Variants in FGF13 observed in about 807,000 individuals in gnomAD.
FGF13 encodes fibroblast growth factor homologous factor 2.
In FGF13, 2 loss-of-function variants were observed where a neutral mutation model predicts 19.5. That is an observed-to-expected ratio of 0.10 (90% CI 0.04 to 0.32). The LOEUF (loss-of-function observed/expected upper bound fraction) is 0.32. Ranked by LOEUF, FGF13 falls within the 10% of genes least tolerant of loss-of-function variation. The probability of loss-of-function intolerance (pLI) is 1.00; values close to 1 mark genes in which losing one functional copy is unlikely to be tolerated. For missense variants in FGF13, 113 were observed against 192.7 expected (o/e 0.59, Z 2.45); for synonymous variants, 72 against 76.9 (o/e 0.94, Z 0.33).
chrX:138,914,304 C>A (rs1174323781), intron 1 of FGF13, among the ~76,000 whole-genome samples: 1 of 108,564 alleles, frequency 9.2e-6, no homozygotes, highest in Non-Finnish European at 1.9e-5. Flanking sequence ...AATACCATTA[C>A]AATCCTTCTG....
intron 3 of FGF13, among the ~76,000 whole-genome samples, chrX:138,692,942 T>C (rs185414942): frequency 2.6e-4 from 29 of 111,359 alleles, no homozygotes; most frequent in Admixed American, 1.1e-3. Flanking sequence ...AAAAACAGAA[T>C]ACAGAGCCAG....
intron 1 of FGF13, among the ~76,000 whole-genome samples, chrX:139,015,598 T>A (rs771546253): frequency 1.8e-5 from 2 of 111,238 alleles, no homozygotes; most frequent in Non-Finnish European, 3.8e-5. Context: ...TGTACATGGA[T>A]TAGAAGAATC....
chrX:138,740,271 G>A (rs2090309893), upstream of FGF13, among the ~76,000 whole-genome samples: 1 of 111,600 alleles, frequency 9.0e-6, no homozygotes, highest in Admixed American at 9.5e-5. Context: ...CTCAAGTTCT[G>A]AATATTGTCA....
intron 1 of FGF13, among the ~76,000 whole-genome samples, chrX:138,906,815 A>C (rs767030233): frequency 9.0e-6 from 1 of 111,120 alleles, no homozygotes; most frequent in African/African-American, 3.3e-5. Context: ...CCCAGCGTTC[A>C]TGTTTTAGTT....
intron 1 of FGF13, among the ~76,000 whole-genome samples, chrX:139,062,799 C>T (rs1281143374): frequency 2.7e-5 from 3 of 111,926 alleles, no homozygotes; most frequent in Non-Finnish European, 3.8e-5. Context: ...CACACAATCC[C>T]TAGTGGGGGA....
rs1483047936 is a variant in FGF13 at position 139,098,307 on chromosome X, CT to C, written c.-113+105108del. Among the ~76,000 whole-genome samples, 23 of 111,439 alleles carry C rather than the reference CT, an allele frequency of 2.1e-4. No homozygotes were observed. In the East Asian group the frequency reaches 6.5e-3, roughly 32 times the overall value. On this transcript the variant is annotated intron_variant, in intron 1 of 2. Coordinates refer to the FGF13 transcript ENST00000421460. The stretch of plus-strand genomic sequence containing the variant: ...GACTTTTTAATAATGGTCATTCTGA[CT>C]GGTGAGATTTCTGAAAGAACTAAAA...
chrX:138,673,293 G>A (rs2089632709), intron 3 of FGF13, among the ~76,000 whole-genome samples: 1 of 111,519 alleles, frequency 9.0e-6, no homozygotes, highest in Admixed American at 9.5e-5. Context: ...TGCGATGGCT[G>A]GAGGAGGTGG....
intron 3 of FGF13, among the ~76,000 whole-genome samples, chrX:138,753,940 T>A (rs1028833655): frequency 9.8e-5 from 11 of 112,094 alleles, no homozygotes; most frequent in African/African-American, 3.6e-4. Flanking sequence ...ATTATGGTTA[T>A]CAACAACAAC....
intron 3 of FGF13, among the ~76,000 whole-genome samples, chrX:138,753,966 C>T (rs1473546628): frequency 2.7e-5 from 3 of 112,012 alleles, no homozygotes; most frequent in Non-Finnish European, 5.6e-5. Flanking sequence ...AATCACACTA[C>T]CAGCACATAA....
At chrX:138,816,452 G>A (rs1393076232) in intron 3 of FGF13, among the ~76,000 whole-genome samples, 4 of 111,972 alleles carry the variant, frequency 3.6e-5, no homozygotes, top group East Asian at 2.8e-4. Context: ...CCCAGCAATC[G>A]CACTCATCAG....
upstream of FGF13, chrX:138,714,841 G>A (rs2090086886): frequency 8.9e-6 from 1 of 112,024 alleles, no homozygotes; most frequent in African/African-American, 3.2e-5. Context: ...CAATCCTAGA[G>A]AAGCATATTT....
At chrX:139,002,321 C>T (rs1026071837) in intron 1 of FGF13, among the ~76,000 whole-genome samples, 2 of 110,878 alleles carry the variant, frequency 1.8e-5, no homozygotes, top group African/African-American at 6.6e-5. Flanking sequence ...CACATATATC[C>T]CAGAACTTAA....
chrX:139,191,128 G>A (rs2084326321), intron 1 of FGF13, among the ~76,000 whole-genome samples: 1 of 111,968 alleles, frequency 8.9e-6, no homozygotes, highest in South Asian at 3.7e-4. Context: ...ACTCTCAGCA[G>A]AGCAACTACT....
chrX:139,179,144 T>C (rs756199938), intron 1 of FGF13, among the ~76,000 whole-genome samples: 1 of 112,109 alleles, frequency 8.9e-6, no homozygotes, highest in South Asian at 3.7e-4. Flanking sequence ...TATTCCATGA[T>C]ACTGCCTATT....
chrX:139,055,412 C>G (rs995433350), intron 1 of FGF13, among the ~76,000 whole-genome samples: 8 of 112,533 alleles, frequency 7.1e-5, no homozygotes, highest in Non-Finnish European at 1.1e-4. Context: ...CTTGAATCTA[C>G]TTGTTTAAAA....
intron 1 of FGF13, among the ~76,000 whole-genome samples, chrX:138,980,503 T>TA (rs1311215239): frequency 8.9e-6 from 1 of 112,004 alleles, no homozygotes; most frequent in African/African-American, 3.2e-5. Flanking sequence ...TGTTTTCTTT[T>TA]AAAAACCAAA....
chrX:138,979,647 C>T (rs1333182499), intron 1 of FGF13, among the ~76,000 whole-genome samples: 3 of 110,367 alleles, frequency 2.7e-5, no homozygotes, highest in African/African-American at 6.6e-5. Flanking sequence ...GGGCAAGATC[C>T]TCTGGGGTAC....
Position 139,033,027 on chromosome X carries a change from C to CAAAAAAAAAAAA in FGF13, c.-112-168389_-112-168378dup, listed in dbSNP as rs758766077. On this transcript the variant is annotated intron_variant, in intron 1 of 2. Transcript: ENST00000421460. ...ACCAAAGTCAGAATATCTGATTATC[C>CAAAAAAAAAAAA]AAAAAAAAAAAAAAAAAAAAAAAAA... Among the ~76,000 whole-genome samples, 10 of 27,269 alleles carry CAAAAAAAAAAAA rather than the reference C, an allele frequency of 3.7e-4. 1 individual carries two copies. The highest frequency in any genetic ancestry group is 1.3e-3 in the African/African-American group (10 of 7,568). The allele number at this position is 27,269 out of a possible 115,157, so 23.7% of individuals were successfully genotyped here. A position where few individuals can be genotyped will look rare whatever the true frequency, so the allele number is the denominator to read the frequency against.
chrX:138,840,604 T>C (rs776726128), intron 3 of FGF13, among the ~76,000 whole-genome samples: 24 of 111,629 alleles, frequency 2.1e-4, no homozygotes, highest in Non-Finnish European at 4.1e-4. Flanking sequence ...AGCCTCCCCA[T>C]ACCTGACTCT....
Sources: allele counts gnomAD v4.1 joint callset (sites outside exome capture counted in the v4.1 genomes callset), GRCh38; gene constraint gnomAD v4.1.1; transcripts MANE v1.5; gene names NCBI Gene and HGNC (gene_info 2026-07-23, HGNC 2026-07-21).